The following DNAJC13 variants were observed in gnomAD, a reference collection of about 807,000 sequenced individuals.
DNAJC13 encodes the protein dnaJ homolog subfamily C member 13.
A neutral mutation model predicts 290.5 loss-of-function variants in DNAJC13; 75 were observed. The ratio of observed to expected loss-of-function variants is 0.26; its 90% CI spans 0.21 to 0.31. The LOEUF is 0.31. Among genes scored for constraint, DNAJC13 ranks in the 10% least tolerant of loss-of-function variants. The pLI, the probability that DNAJC13 is intolerant of heterozygous loss-of-function variation, is 1.00. For synonymous variants in DNAJC13, 862 were observed against 892.0 expected (o/e 0.97, Z 0.60); for missense variants, 2,260 against 2,674.5 (o/e 0.85, Z 3.42).
At chr3:132,528,402 C>T in intron 54 of DNAJC13, 70 bp downstream of exon 54, 1 of 1,559,324 alleles carries the variant, frequency 6.4e-7, no homozygotes, top group Admixed American at 1.8e-5. Flanking sequence ...GTCCACGTAC[C>T]TGTGTTCAAG....
intron 13 of DNAJC13, among the ~76,000 whole-genome samples, chr3:132,459,525 A>G (rs1576472197): frequency 6.6e-6 from 1 of 152,228 alleles, no homozygotes; most frequent in East Asian, 1.9e-4. Flanking sequence ...CAACAATGTG[A>G]ATGCTTAATG....
chr3:132,503,699 CAGG>C (rs1935494945), intron 41 of DNAJC13, among the ~76,000 whole-genome samples: 2 of 152,120 alleles, frequency 1.3e-5, no homozygotes, highest in East Asian at 3.9e-4. Context: ...TACTGGGAGA[CAGG>C]AGACCCAGAG....
intron 34 of DNAJC13, among the ~76,000 whole-genome samples, chr3:132,494,526 A>T (rs1935169693): frequency 6.6e-6 from 1 of 152,140 alleles, no homozygotes; most frequent in Non-Finnish European, 1.5e-5. Flanking sequence ...ACCATATCTG[A>T]CACATGGTAG....
At chr3:132,465,873 C>T (rs1933964401) in intron 17 of DNAJC13, 122 bp from the exon 18 acceptor site, 1 of 591,882 alleles carries the variant, frequency 1.7e-6, no homozygotes, top group Non-Finnish European at 3.0e-6. Flanking sequence ...TTTTTAACAT[C>T]GGAATGATTT....
chr3:132,434,628 C>T lies in DNAJC13; in HGVS notation c.68+10C>T. On this transcript the variant is annotated intron_variant, in intron 2 of 55. Transcript: ENST00000260818. ...ATTCATGGAGGGGGAAGTAAGTATTCTTGTTGGGTTTTTTTTTCTGTGCTT... is the reference window on the plus strand; with the variant it reads ...ATTCATGGAGGGGGAAGTAAGTATTTTTGTTGGGTTTTTTTTTCTGTGCTT... The T allele has an allele frequency of 6.3e-7, 1 of 1,588,732 alleles. No individual in the cohort carries two copies. Among genetic ancestry groups the T allele is most frequent in the South Asian group, 1.2e-5 (1 of 86,748 alleles).
At chr3:132,472,572 G>C in intron 20 of DNAJC13, 1 of 985,310 alleles carries the variant, frequency 1.0e-6, no homozygotes, top group Non-Finnish European at 1.2e-6. Context: ...AAACAATATG[G>C]TGAGTGTAAG....
chr3:132,479,190 T>C (rs1934576686), intron 24 of DNAJC13, 37 bp from the exon 25 acceptor site: 1 of 1,391,442 alleles, frequency 7.2e-7, no homozygotes, highest in South Asian at 1.2e-5. Flanking sequence ...TTTTTATTTC[T>C]ATTCACTTCT....
chr3:132,506,541 CTTTTTTTT>C (rs34151394), intron 42 of DNAJC13, among the ~76,000 whole-genome samples: 161 of 54,726 alleles, frequency 2.9e-3, no homozygotes, highest in African/African-American at 0.014. Flanking sequence ...CAGTGTATTA[CTTTTTTTT>C]TTTTTTTTTT....
intron 17 of DNAJC13, among the ~76,000 whole-genome samples, chr3:132,464,586 C>T (rs1352806869): frequency 6.6e-6 from 1 of 152,044 alleles, no homozygotes; most frequent in Non-Finnish European, 1.5e-5. Context: ...TATTATACAT[C>T]ATGGTATGCT....
chr3:132,454,004 A>T, intron 8 of DNAJC13, 62 bp from the exon 9 acceptor site: 1 of 1,245,626 alleles, frequency 8.0e-7, no homozygotes, highest in Non-Finnish European at 1.1e-6. Context: ...TGCATTTTAT[A>T]ATGAAATACT....
Position 132,492,436 on chromosome 3 carries a change from G to A in DNAJC13, c.3646G>A (p.Ala1216Thr). The A allele has an allele frequency of 6.2e-7, 1 of 1,613,780 alleles. No individual in the cohort carries two copies. Among genetic ancestry groups the A allele is most frequent in the Non-Finnish European group, 8.5e-7 (1 of 1,179,834 alleles). ...EMRRLMIEKIAAHLADFTPRL... is the reference protein window; with the variant it reads ...EMRRLMIEKITAHLADFTPRL... ...TAGGCGCCTGATGATAGAGAAGATT[G>A]CTGCCCATCTCGCGGATTTCACACC... The change falls in exon 33 of 56, where the codon GCT becomes ACT. Residue 1216 changes from alanine (A) to threonine (T), a missense_variant. Coordinates refer to ENST00000260818, the MANE Select transcript of DNAJC13 (RefSeq NM_015268.4).
chr3:132,438,050 CAAA>C (rs35454328), intron 2 of DNAJC13, among the ~76,000 whole-genome samples: 12 of 109,058 alleles, frequency 1.1e-4, no homozygotes, highest in Middle Eastern at 5.7e-3. Flanking sequence ...GACCGTGTCT[CAAA>C]AAAAAAAAAA....
At chr3:132,492,706 T>A in intron 33 of DNAJC13, 91 bp downstream of exon 33, 1 of 1,093,282 alleles carries the variant, frequency 9.1e-7, no homozygotes, top group Non-Finnish European at 1.4e-6. Context: ...GTAAGATGGT[T>A]AATAGCTTTC....
At chr3:132,467,653 GA>G (rs1934044907) in intron 20 of DNAJC13, among the ~76,000 whole-genome samples, 2 of 152,054 alleles carry the variant, frequency 1.3e-5, no homozygotes, top group African/African-American at 4.8e-5. Flanking sequence ...TTTTAGTAGA[GA>G]TGGGGTTTCA....
intron 48 of DNAJC13, among the ~76,000 whole-genome samples, chr3:132,521,556 CT>C (rs923585385): frequency 3.9e-5 from 6 of 152,194 alleles, no homozygotes; most frequent in Admixed American, 6.6e-5. Context: ...TTAAATCCCG[CT>C]CTAACTTTTA....
chr3:132,459,986 A>G (rs919912009), intron 13 of DNAJC13, among the ~76,000 whole-genome samples: 2 of 152,222 alleles, frequency 1.3e-5, no homozygotes, highest in African/African-American at 4.8e-5. Context: ...TTGCCTTTTA[A>G]TAAGATCTGT....
chr3:132,418,506 T>G (rs1007594155), intron 1 of DNAJC13, among the ~76,000 whole-genome samples: 19 of 152,212 alleles, frequency 1.2e-4, no homozygotes, highest in Non-Finnish European at 1.8e-4. Context: ...TAAGATTGTT[T>G]CCTGTGTCCG....
At chr3:132,453,744 T>C (rs1166782675) in intron 8 of DNAJC13, 50 bp downstream of exon 8, 1 of 1,459,580 alleles carries the variant, frequency 6.9e-7, no homozygotes, top group East Asian at 2.3e-5. Flanking sequence ...TATTGATAAA[T>C]TAGGATAATT....
intron 1 of DNAJC13, among the ~76,000 whole-genome samples, chr3:132,425,700 G>A (rs760274782): frequency 1.9e-4 from 29 of 152,016 alleles, no homozygotes; most frequent in Non-Finnish European, 3.5e-4. Context: ...TGCTAAATAC[G>A]TGCTTTAAAC....
Sources: allele counts gnomAD v4.1 joint callset (sites outside exome capture counted in the v4.1 genomes callset), GRCh38; gene constraint gnomAD v4.1.1; transcripts MANE v1.5; gene names NCBI Gene and HGNC (gene_info 2026-07-23, HGNC 2026-07-21).